The following CHCHD3 variants were observed in gnomAD, a reference collection of about 807,000 sequenced individuals.
CHCHD3 encodes the protein MICOS complex subunit MIC19.
A neutral mutation model predicts 38.2 loss-of-function variants in CHCHD3; 20 were observed. That is an observed-to-expected ratio of 0.52 (90% CI 0.37 to 0.76). The LOEUF is 0.76. Among genes scored for constraint, CHCHD3 ranks in the 30% least tolerant of loss-of-function variants. CHCHD3 has a pLI of 0.00. For synonymous variants in CHCHD3, 82 were observed against 100.0 expected (o/e 0.82, Z 1.07); for missense variants, 245 against 279.2 (o/e 0.88, Z 0.87).
chr7:132,786,763 A>C (rs1322599252), intron 7 of CHCHD3, among the ~76,000 whole-genome samples: 1 of 152,194 alleles, frequency 6.6e-6, no homozygotes, highest in Non-Finnish European at 1.5e-5. Flanking sequence ...ACCTGTGGAA[A>C]ATTCAGGAAT....
chr7:132,814,125 G>A (rs552039765), intron 6 of CHCHD3, among the ~76,000 whole-genome samples: 1 of 152,144 alleles, frequency 6.6e-6, no homozygotes, highest in African/African-American at 2.4e-5. Context: ...GACGTTTCAA[G>A]AATAATAAAC....
At chr7:133,000,662 T>C (rs1314600710) in intron 3 of CHCHD3, among the ~76,000 whole-genome samples, 1 of 152,202 alleles carries the variant, frequency 6.6e-6, no homozygotes, top group Non-Finnish European at 1.5e-5. Context: ...GCAGACTACA[T>C]CTAGAAGCCA....
intron 3 of CHCHD3, among the ~76,000 whole-genome samples, chr7:133,019,453 A>G (rs765225479): frequency 1.4e-4 from 21 of 152,226 alleles, no homozygotes; most frequent in Non-Finnish European, 2.9e-4. Flanking sequence ...GATGATATCA[A>G]CAATGCTATC....
intron 6 of CHCHD3, among the ~76,000 whole-genome samples, chr7:132,833,632 C>A (rs1807700917): frequency 6.6e-6 from 1 of 152,138 alleles, no homozygotes; most frequent in African/African-American, 2.4e-5. Flanking sequence ...GCTTGTCACA[C>A]AGGGGCTCTA....
At chr7:132,811,072 GA>G (rs919129204) in intron 6 of CHCHD3, among the ~76,000 whole-genome samples, 5 of 148,666 alleles carry the variant, frequency 3.4e-5, no homozygotes, top group South Asian at 4.2e-4. Flanking sequence ...GTTTCATTGA[GA>G]AAAAAAAAAT....
At chr7:132,837,872 T>C (rs1312456752) in intron 6 of CHCHD3, among the ~76,000 whole-genome samples, 1 of 152,206 alleles carries the variant, frequency 6.6e-6, no homozygotes, top group Non-Finnish European at 1.5e-5. Context: ...GAACATTCAT[T>C]TAAACACTCC....
chr7:132,975,729 A>G (rs7799141), intron 3 of CHCHD3, among the ~76,000 whole-genome samples: 108,471 of 151,868 alleles, frequency 0.71, 38,887 homozygotes, highest in African/African-American at 0.75. Flanking sequence ...TCAGGAGTTC[A>G]AGACCAGCCT....
chr7:133,070,494 C>T lies in CHCHD3; in HGVS notation c.82-265G>A, dbSNP rs142219618. ...ACTACACTCTTCATTTTATACTATG[C>T]ACAAAATTGTAATCTCTGGGGAAAT... On this transcript the variant is annotated intron_variant, in intron 1 of 7. Transcript: ENST00000262570. 7.6e-3 allele frequency among the ~76,000 whole-genome samples: 1,161 copies of T among 152,268 alleles called. 15 individuals carry two copies. Among genetic ancestry groups the T allele is most frequent in the Middle Eastern group, 0.02 (6 of 294 alleles).
intron 6 of CHCHD3, among the ~76,000 whole-genome samples, chr7:132,807,457 G>A (rs1037669279): frequency 1.7e-4 from 26 of 151,866 alleles, no homozygotes; most frequent in Admixed American, 2.6e-4. Flanking sequence ...CAAAACAGAC[G>A]TGCAGTAAAA....
intron 3 of CHCHD3, among the ~76,000 whole-genome samples, chr7:132,975,802 A>G (rs768204116): frequency 1.3e-5 from 2 of 151,960 alleles, no homozygotes; most frequent in Non-Finnish European, 2.9e-5. Flanking sequence ...GTGGTGATAC[A>G]TTCCTGTAAT....
chr7:133,069,310 G>C (rs142957193), intron 2 of CHCHD3, among the ~76,000 whole-genome samples: 1 of 150,432 alleles, frequency 6.6e-6, no homozygotes, highest in Non-Finnish European at 1.5e-5. Context: ...AGTAAGGGGC[G>C]GGGCGGGGGG....
chr7:132,957,617 G>A (rs1179284549), intron 4 of CHCHD3, among the ~76,000 whole-genome samples: 1 of 151,802 alleles, frequency 6.6e-6, no homozygotes, highest in African/African-American at 2.4e-5. Flanking sequence ...GAGTAGCTGG[G>A]ATTACAGGCT....
intron 2 of CHCHD3, among the ~76,000 whole-genome samples, chr7:133,066,256 C>CTT (rs11451085): frequency 3.5e-5 from 5 of 142,880 alleles, no homozygotes; most frequent in African/African-American, 7.8e-5. Context: ...AGATGGCATA[C>CTT]TTTTTTTTTT....
intron 4 of CHCHD3, among the ~76,000 whole-genome samples, chr7:132,955,733 G>C (rs1035921432): frequency 1.3e-5 from 2 of 152,096 alleles, no homozygotes; most frequent in African/African-American, 4.8e-5. Flanking sequence ...TGGAGTGAGG[G>C]GAAGAGATTG....
At chr7:132,888,127 T>C (rs1401508810) in intron 4 of CHCHD3, among the ~76,000 whole-genome samples, 6 of 151,798 alleles carry the variant, frequency 4.0e-5, no homozygotes, top group Non-Finnish European at 8.9e-5. Flanking sequence ...AACCTCTTTT[T>C]TTGTAAGGAA....
At chr7:132,986,257 T>C (rs4596591) in intron 3 of CHCHD3, among the ~76,000 whole-genome samples, 98,117 of 140,610 alleles carry the variant, frequency 0.7, 34,404 homozygotes, top group African/African-American at 0.74. Flanking sequence ...CCCAGGGACA[T>C]AAACACTGCG....
chr7:132,894,258 A>G (rs1809440469), intron 4 of CHCHD3, among the ~76,000 whole-genome samples: 1 of 152,190 alleles, frequency 6.6e-6, no homozygotes, highest in Admixed American at 6.5e-5. Context: ...TAAACTATAC[A>G]TTTACTCCTC....
At chr7:132,979,870 C>G (rs1811873197) in intron 3 of CHCHD3, among the ~76,000 whole-genome samples, 1 of 152,208 alleles carries the variant, frequency 6.6e-6, no homozygotes, top group African/African-American at 2.4e-5. Flanking sequence ...CAACCCTCCC[C>G]TCCAAAATAT....
intron 1 of CHCHD3, among the ~76,000 whole-genome samples, chr7:133,072,605 C>T (rs892293677): frequency 3.9e-5 from 6 of 151,944 alleles, no homozygotes; most frequent in African/African-American, 9.7e-5. Context: ...TTTAGGAGGC[C>T]GAGGTGGGCG....
Sources: gnomAD v4.1 joint callset for allele counts (sites outside exome capture counted in the v4.1 genomes callset) on GRCh38, gnomAD v4.1.1 for gene constraint, MANE v1.5 for transcripts, NCBI Gene and HGNC (gene_info 2026-07-23, HGNC 2026-07-21) for gene names.